Variants in STX17 observed in about 807,000 individuals in gnomAD.
STX17 encodes the protein syntaxin-17.
A neutral mutation model predicts 35.9 loss-of-function variants in STX17; 29 were observed. The ratio of observed to expected loss-of-function variants is 0.81; its 90% CI spans 0.60 to 1.10. The LOEUF (loss-of-function observed/expected upper bound fraction) is 1.10. STX17 is among the 50% of genes least tolerant of loss of function. STX17 has a pLI of 0.00. For synonymous variants in STX17, 92 were observed against 118.3 expected, an observed-to-expected ratio of 0.78 and a Z score of 1.44; for missense variants, 312 against 352.3, an observed-to-expected ratio of 0.89 and a Z score of 0.92.
chr9:99,931,101 C>T (rs1468134700), intron 3 of STX17, among the ~76,000 whole-genome samples: 1 of 152,156 alleles, frequency 6.6e-6, no homozygotes, highest in African/African-American at 2.4e-5. Flanking sequence ...CTGCCTCAGC[C>T]TCCTGAGTAG....
At chr9:99,955,367 T>G (rs1026456532) in intron 4 of STX17, among the ~76,000 whole-genome samples, 3 of 152,100 alleles carry the variant, frequency 2.0e-5, no homozygotes, top group African/African-American at 4.8e-5. Flanking sequence ...AAGATGTATT[T>G]TCTATTGGTT....
chr9:99,909,499 G>T (rs1398893731), intron 1 of STX17, among the ~76,000 whole-genome samples: 1 of 152,152 alleles, frequency 6.6e-6, no homozygotes, highest in Non-Finnish European at 1.5e-5. Context: ...TGGTATAGAA[G>T]AAAAGAAAAG....
At chr9:99,966,177 A>T (rs925803871) in intron 6 of STX17, among the ~76,000 whole-genome samples, 1 of 152,234 alleles carries the variant, frequency 6.6e-6, no homozygotes, top group African/African-American at 2.4e-5. Flanking sequence ...TCTGTGTTTT[A>T]AGAAGCCTCC....
chr9:99,911,020 G>C (rs1165722121), intron 1 of STX17, among the ~76,000 whole-genome samples: 1 of 151,732 alleles, frequency 6.6e-6, no homozygotes, highest in Non-Finnish European at 1.5e-5. Context: ...TGTTGTAAAT[G>C]ACAGGATTTC....
chr9:99,931,686 AT>A (rs1829128016), intron 3 of STX17, among the ~76,000 whole-genome samples: 1 of 152,028 alleles, frequency 6.6e-6, no homozygotes, highest in African/African-American at 2.4e-5. Flanking sequence ...TGTAGAAAAA[AT>A]TTGGCAGTCC....
At chr9:99,942,050 T>C (rs765970727) in intron 3 of STX17, among the ~76,000 whole-genome samples, 1 of 152,234 alleles carries the variant, frequency 6.6e-6, no homozygotes, top group Non-Finnish European at 1.5e-5. Flanking sequence ...TGCCAAGCTA[T>C]TTTCCAAAAC....
intron 3 of STX17, among the ~76,000 whole-genome samples, chr9:99,939,182 A>T (rs1419642939): frequency 1.3e-5 from 2 of 152,128 alleles, no homozygotes; most frequent in Non-Finnish European, 2.9e-5. Context: ...TGAGGAGGAG[A>T]GTGGAGAAGC....
chr9:99,942,511 G>A (rs1829387589), intron 3 of STX17, among the ~76,000 whole-genome samples: 1 of 151,940 alleles, frequency 6.6e-6, no homozygotes, highest in Admixed American at 6.6e-5. Flanking sequence ...TTTAGAGACG[G>A]GGTCTCCTTT....
At chr9:99,955,489 T>C (rs964229401) in intron 4 of STX17, among the ~76,000 whole-genome samples, 12 of 152,130 alleles carry the variant, frequency 7.9e-5, no homozygotes. Flanking sequence ...ATTTTTAAAC[T>C]ATCAGAACTG....
chr9:99,947,742 G>T (rs1471520378), intron 3 of STX17, among the ~76,000 whole-genome samples: 2 of 152,034 alleles, frequency 1.3e-5, no homozygotes, highest in African/African-American at 4.8e-5. Context: ...GACGATCCCA[G>T]CCAAAAGTAC....
Position 99,915,208 on chromosome 9 carries a change from T to C in STX17, c.-32T>C. 6.3e-7 allele frequency: 1 copy of C among 1,597,680 alleles called. No individual in the cohort carries two copies. ...TCTATATGAGTGGAGAAGACAGCTGTTACCAGGGAGGTCATACAACATTTT... is the reference window on the plus strand; with the variant it reads ...TCTATATGAGTGGAGAAGACAGCTGCTACCAGGGAGGTCATACAACATTTT... On this transcript the variant is annotated 5_prime_UTR_variant, in exon 2 of 8. Coordinates refer to ENST00000259400, the MANE Select transcript of STX17 (RefSeq NM_017919.3).
At chr9:99,940,194 G>A (rs528893279) in intron 3 of STX17, among the ~76,000 whole-genome samples, 3 of 152,016 alleles carry the variant, frequency 2.0e-5, no homozygotes, top group Admixed American at 6.6e-5. Flanking sequence ...TCAGTGGCAC[G>A]ATCTCAGCTC....
At chr9:99,956,922 A>T (rs1293705291) in intron 4 of STX17, among the ~76,000 whole-genome samples, 1 of 152,224 alleles carries the variant, frequency 6.6e-6, no homozygotes, top group East Asian at 1.9e-4. Context: ...ATGAACTTAG[A>T]GTTATAATTG....
At chr9:99,955,201 A>G (rs1003395241) in intron 4 of STX17, among the ~76,000 whole-genome samples, 2 of 152,232 alleles carry the variant, frequency 1.3e-5, no homozygotes, top group South Asian at 4.1e-4. Context: ...TACATTTTAA[A>G]CAAATATTCA....
At chr9:99,956,092 A>C (rs1438152684) in intron 4 of STX17, among the ~76,000 whole-genome samples, 1 of 152,156 alleles carries the variant, frequency 6.6e-6, no homozygotes, top group Non-Finnish European at 1.5e-5. Context: ...TTAGAGTTTT[A>C]AGTTTACATC....
chr9:99,943,656 T>G (rs891193454), intron 3 of STX17, among the ~76,000 whole-genome samples: 1 of 152,224 alleles, frequency 6.6e-6, no homozygotes, highest in African/African-American at 2.4e-5. Flanking sequence ...TATTGAATCC[T>G]CCAATCCATG....
intron 4 of STX17, among the ~76,000 whole-genome samples, chr9:99,959,359 A>G (rs1829781504): frequency 1.3e-5 from 2 of 152,200 alleles, no homozygotes; most frequent in East Asian, 1.9e-4. Flanking sequence ...CCTGGGCAAC[A>G]TAGCAAGACT....
chr9:99,917,214 T>C (rs1045101981), intron 2 of STX17, among the ~76,000 whole-genome samples: 2 of 152,246 alleles, frequency 1.3e-5, no homozygotes, highest in African/African-American at 4.8e-5. Context: ...TTTTATTCCA[T>C]ATCCTTGATC....
chr9:99,941,499 T>G (rs530083846), intron 3 of STX17, among the ~76,000 whole-genome samples: 2 of 152,308 alleles, frequency 1.3e-5, no homozygotes, highest in East Asian at 3.9e-4. Flanking sequence ...TTCTAAAAAA[T>G]GCCTAAAATA....
Sources: gnomAD v4.1 joint callset for allele counts (sites outside exome capture counted in the v4.1 genomes callset) on GRCh38, gnomAD v4.1.1 for gene constraint, MANE v1.5 for transcripts, NCBI Gene and HGNC (gene_info 2026-07-23, HGNC 2026-07-21) for gene names.